The following SAV1 variants were observed in gnomAD, a reference collection of about 807,000 sequenced individuals.
The protein encoded by SAV1 is salvador family WW domain containing protein 1.
SAV1 carries 23 observed loss-of-function variants against 47.3 expected under a neutral mutation model. The observed-to-expected ratio is 0.49, with a 90% CI of 0.35 to 0.69. SAV1 has a LOEUF of 0.69. Among genes scored for constraint, SAV1 ranks in the 30% least tolerant of loss-of-function variants. The probability of loss-of-function intolerance (pLI) is 0.01; values close to 1 mark genes in which losing one functional copy is unlikely to be tolerated. For synonymous variants in SAV1, 155 were observed against 159.2 expected (o/e 0.97, Z 0.20); for missense variants, 448 against 457.4 (o/e 0.98, Z 0.19).
At chr14:50,666,407 A>G (rs1316576905) in intron 1 of SAV1, among the ~76,000 whole-genome samples, 2 of 152,222 alleles carry the variant, frequency 1.3e-5, no homozygotes, top group Non-Finnish European at 2.9e-5. Flanking sequence ...AAATACCTTT[A>G]AAACAAGACA....
intron 3 of SAV1, 22 bp downstream of exon 3, chr14:50,644,722 G>T (rs766678263): frequency 6.3e-7 from 1 of 1,586,848 alleles, no homozygotes; most frequent in African/African-American, 1.4e-5. Flanking sequence ...ACAAAAAGTT[G>T]AAAATAAAGT....
chr14:50,667,783 A>C (rs2039915622), intron 1 of SAV1, 91 bp downstream of exon 1: 1 of 905,716 alleles, frequency 1.1e-6, no homozygotes, highest in Non-Finnish European at 1.8e-6. Flanking sequence ...GACGAAGGAG[A>C]AGCCCTGGAG....
At chr14:50,663,740 G>A (rs2039878717) in intron 2 of SAV1, among the ~76,000 whole-genome samples, 1 of 151,330 alleles carries the variant, frequency 6.6e-6, no homozygotes, top group African/African-American at 2.4e-5. Flanking sequence ...CTTTTCTCTA[G>A]GAATCTACCC....
At chr14:50,643,046 G>A (rs931292746) in intron 3 of SAV1, among the ~76,000 whole-genome samples, 1 of 152,168 alleles carries the variant, frequency 6.6e-6, no homozygotes, top group African/African-American at 2.4e-5. Context: ...ATGACCTAAT[G>A]TAAGTCAAGA....
intron 2 of SAV1, among the ~76,000 whole-genome samples, chr14:50,654,792 T>C (rs928654699): frequency 6.6e-6 from 1 of 152,240 alleles, no homozygotes; most frequent in Non-Finnish European, 1.5e-5. Flanking sequence ...TTCATGATGA[T>C]GGATGAATTA....
intron 4 of SAV1, among the ~76,000 whole-genome samples, 168 bp downstream of exon 4, chr14:50,640,581 AT>A (rs1415612447): frequency 5.3e-5 from 8 of 152,198 alleles, no homozygotes; most frequent in Non-Finnish European, 1.0e-4. Flanking sequence ...CTAATTAATG[AT>A]TTTCACACAT....
At chr14:50,653,614 T>C (rs544851873) in intron 2 of SAV1, among the ~76,000 whole-genome samples, 1 of 152,276 alleles carries the variant, frequency 6.6e-6, no homozygotes, top group African/African-American at 2.4e-5. Flanking sequence ...CTCACACCTG[T>C]AATCCCAGCA....
In SAV1 at chr14:50,638,852, C is replaced by A. The variant is rs2039658662; in HGVS notation, c.950+1898G>T. On this transcript the variant is annotated intron_variant, in intron 4 of 4. Coordinates refer to ENST00000324679, the MANE Select transcript of SAV1 (RefSeq NM_021818.4). The stretch of plus-strand genomic sequence containing the variant: ...GCGCAATCTTGGCTCACTGCAACCT[C>A]CGCCTCCCGGGTTCAAATGATTCTC... Among the ~76,000 whole-genome samples the A allele has an allele frequency of 3.3e-5, 5 of 151,882 alleles. No individual in the cohort carries two copies. In the South Asian group the frequency reaches 1.0e-3, roughly 32 times the overall value.
At chr14:50,667,457 A>G in intron 1 of SAV1, 2 of 456,996 alleles carry the variant, frequency 4.4e-6, no homozygotes, top group Non-Finnish European at 8.8e-6. Context: ...CACAGTCGAG[A>G]GACACCCGCA....
rs906887336 is a variant in SAV1 at position 50,665,162 on chromosome 14, T to C, written c.535+17A>G. 1 of 1,518,406 alleles carries C rather than the reference T, an allele frequency of 6.6e-7. No homozygotes were observed. Among genetic ancestry groups the C allele is most frequent in the African/African-American group, 1.4e-5 (1 of 70,946 alleles). 94.1% of individuals were successfully genotyped at this position (1,518,406 alleles called of 1,614,324 possible). A position where few individuals can be genotyped will look rare whatever the true frequency, so the allele number is the denominator to read the frequency against. On this transcript the variant is annotated intron_variant, in intron 2 of 4. Coordinates refer to ENST00000324679, the MANE Select transcript of SAV1 (RefSeq NM_021818.4). ...CAATAAATATAAACTACTATATTAT[T>C]TATAATGTTAAGCTACCTGAAGCAT...
chr14:50,640,565 A>G (rs1051330253), intron 4 of SAV1, among the ~76,000 whole-genome samples, 185 bp downstream of exon 4: 1 of 152,222 alleles, frequency 6.6e-6, no homozygotes, highest in African/African-American at 2.4e-5. Context: ...TGAAGAACTA[A>G]TATTTCTAAT....
chr14:50,667,891 G>T lies in SAV1; in HGVS notation c.77C>A (p.Thr26Lys). The change falls in exon 1 of 5, where the codon ACG (threonine) becomes AAG (lysine). Residue 26 changes from threonine (T) to lysine (K), a missense_variant. Thr to Lys is a moderately conservative substitution (Grantham distance 78). Transcript: ENST00000324679. Reference sequence around the variant, plus strand: ...ACACTCACTCCGAAGCAGAGGCGACGTCTCCTTCTTCACGTACTTCCCCTG... The same window carrying T: ...ACACTCACTCCGAAGCAGAGGCGACTTCTCCTTCTTCACGTACTTCCCCTG... ...EVQGKYVKKE[T>K]SPLLRNLMPS... The T allele has an allele frequency of 6.2e-7, 1 of 1,613,200 alleles. No homozygotes were observed. Among genetic ancestry groups the T allele is most frequent in the Non-Finnish European group, 8.5e-7 (1 of 1,179,438 alleles).
chr14:50,644,859 G>A lies in SAV1; in HGVS notation c.691C>T (p.Leu231Phe). 1 of 1,614,156 alleles carries A rather than the reference G, an allele frequency of 6.2e-7. No individual in the cohort carries two copies. The highest frequency in any genetic ancestry group is 8.5e-7 in the Non-Finnish European group (1 of 1,180,032). ...CCAGGAGGAAGTCCTTCTCGCTCAA[G>A]AGGATGGCTCCAGTGAGTTGTATTT... ...NTNTTHWSHP[L>F]EREGLPPGWE... The change falls in exon 3 of 5, where the codon CTT (leucine) becomes TTT (phenylalanine). Residue 231 changes from leucine (L) to phenylalanine (F), a missense_variant. Coordinates refer to ENST00000324679, the MANE Select transcript of SAV1 (RefSeq NM_021818.4).
intron 2 of SAV1, among the ~76,000 whole-genome samples, chr14:50,648,710 G>A (rs777574896): frequency 3.3e-5 from 5 of 151,996 alleles, no homozygotes; most frequent in Non-Finnish European, 5.9e-5. Flanking sequence ...CCCGGGAGGC[G>A]GAGGTTGCAG....
chr14:50,644,539 GT>G (rs1021043888), intron 3 of SAV1, among the ~76,000 whole-genome samples: 3 of 149,868 alleles, frequency 2.0e-5, no homozygotes, highest in African/African-American at 7.5e-5. Context: ...TGTTTTTGAG[GT>G]TTTTTTAAAG....
intron 2 of SAV1, among the ~76,000 whole-genome samples, chr14:50,652,034 T>C (rs1441960827): frequency 1.3e-5 from 2 of 152,222 alleles, no homozygotes; most frequent in Non-Finnish European, 2.9e-5. Flanking sequence ...TTGTCGATGA[T>C]ACTATTTTTA....
intron 3 of SAV1, among the ~76,000 whole-genome samples, chr14:50,643,940 A>G (rs2039700581): frequency 6.6e-6 from 1 of 152,260 alleles, no homozygotes; most frequent in South Asian, 2.1e-4. Flanking sequence ...GATGACACTA[A>G]GCAACATTTA....
intron 3 of SAV1, 106 bp from the exon 4 acceptor site, chr14:50,640,999 C>A (rs2039677396): frequency 1.9e-6 from 2 of 1,034,176 alleles, no homozygotes; most frequent in South Asian, 3.9e-5. Flanking sequence ...GCCTTCTGTC[C>A]AAACTGACTT....
intron 3 of SAV1, among the ~76,000 whole-genome samples, chr14:50,641,635 T>C (rs890262484): frequency 1.3e-5 from 2 of 152,150 alleles, no homozygotes; most frequent in African/African-American, 4.8e-5. Context: ...ATTAGAGAAA[T>C]GCAAATCAAA....
Sources: allele counts gnomAD v4.1 joint callset (sites outside exome capture counted in the v4.1 genomes callset), GRCh38; gene constraint gnomAD v4.1.1; transcripts MANE v1.5; gene names NCBI Gene and HGNC (gene_info 2026-07-23, HGNC 2026-07-21).